The following ZMIZ2 variants were observed in gnomAD, a reference collection of about 807,000 sequenced individuals.
ZMIZ2 encodes the protein zinc finger MIZ-type containing 2.
ZMIZ2 carries 26 observed loss-of-function variants against 93.9 expected under a neutral mutation model. That is an observed-to-expected ratio of 0.28 (90% CI 0.20 to 0.38). The LOEUF is 0.38. ZMIZ2 is among the 10% of genes least tolerant of loss of function. The pLI is 1.00. For missense variants in ZMIZ2, 1,023 were observed against 1,235.0 expected (o/e 0.83, Z 2.57); for synonymous variants, 485 against 516.4 (o/e 0.94, Z 0.82).
rs1413072995 is a variant in ZMIZ2 at position 44,769,291 on chromosome 7, C to G, written c.*1668C>G. On this transcript the variant is annotated 3_prime_UTR_variant, in exon 19 of 19. Transcript: ENST00000309315. ...GCGCTGGGCATCCTCAGGCTGGCGG[C>G]CAAGGCCTGCCCCTGGAGGCACTAG... 1 of 152,658 alleles carries G rather than the reference C, an allele frequency of 6.6e-6. No homozygotes were observed. The highest frequency in any genetic ancestry group is 1.5e-5 in the Non-Finnish European group (1 of 68,242). 9.5% of individuals were successfully genotyped at this position (152,658 alleles called of 1,614,324 possible). A position where few individuals can be genotyped will look rare whatever the true frequency, so the allele number is the denominator to read the frequency against.
At position 44,763,158 on chromosome 7, in the gene ZMIZ2, G is replaced by A. The variant is rs1424424553; in HGVS notation, c.1703-98G>A. On this transcript the variant is annotated intron_variant, in intron 12 of 18. Transcript: ENST00000309315. This position sits in a 1 kb window ranked among gnomAD's most constrained non-coding sequence, Gnocchi z 5.6. ...TCCAGGTGGCCCCTCAGAGCTGTCA[G>A]TGGGTCAGTGACTGGGTCCCTGCCT... 4 of 1,544,162 alleles carry A rather than the reference G, an allele frequency of 2.6e-6. No individual in the cohort carries two copies. Among genetic ancestry groups the A allele is most frequent in the East Asian group, 2.3e-5 (1 of 44,240 alleles).
chr7:44,756,269 T>G lies in ZMIZ2; in HGVS notation c.20T>G (p.Met7Arg), dbSNP rs200135812. ...TTGCCAATGAACTCCATGAACCCCA[T>G]GAAACCTGCCCTGCCCCCTGCGCCA... MNSMNP[M>R]KPALPPAPHG... Residue 7 changes from methionine (M) to arginine (R), a missense_variant, in exon 2 of 19, where the codon ATG becomes AGG. Coordinates refer to ENST00000309315, the MANE Select transcript of ZMIZ2 (RefSeq NM_031449.4). 9.8e-5 allele frequency: 158 copies of G among 1,613,894 alleles called. No homozygotes were observed. The highest frequency in any genetic ancestry group is 2.8e-4 in the Admixed American group (17 of 60,006).
chr7:44,755,222 A>G (rs1342093922), intron 1 of ZMIZ2, among the ~76,000 whole-genome samples: 1 of 152,044 alleles, frequency 6.6e-6, no homozygotes, highest in Non-Finnish European at 1.5e-5. Context: ...ACTGGTATCC[A>G]CTCAGCCCCA....
At position 44,763,679 on chromosome 7, in the gene ZMIZ2, C is replaced by T. The variant is rs917538533; in HGVS notation, c.1860+266C>T. The T allele has an allele frequency of 3.8e-5, 19 of 505,140 alleles. No individual in the cohort carries two copies. The highest frequency in any genetic ancestry group is 3.3e-4 in the African/African-American group (17 of 51,844). The allele number at this position is 505,140 out of a possible 1,614,324, so 31.3% of individuals were successfully genotyped here. A position where few individuals can be genotyped will look rare whatever the true frequency, so the allele number is the denominator to read the frequency against. On this transcript the variant is annotated intron_variant, in intron 13 of 18. Transcript: ENST00000309315. The surrounding 1 kb of genome is among the most constrained non-coding windows in gnomAD (Gnocchi z 5.6). The stretch of plus-strand genomic sequence containing the variant: ...TCAAGTTTTGAAAGGCATAAGATTG[C>T]AGGGTCCAGTCTTCCTGCCCTACCC...
intron 1 of ZMIZ2, among the ~76,000 whole-genome samples, chr7:44,754,067 T>G (rs998390219): frequency 2.6e-4 from 39 of 152,214 alleles, no homozygotes; most frequent in African/African-American, 9.4e-4. Flanking sequence ...CAGTTTTGAT[T>G]ACCATATCTA....
At chr7:44,753,063 T>C (rs1790294490) in intron 1 of ZMIZ2, among the ~76,000 whole-genome samples, 1 of 152,252 alleles carries the variant, frequency 6.6e-6, no homozygotes, top group South Asian at 2.1e-4. Flanking sequence ...TGTATAGTGA[T>C]ATCTCACTGT....
At position 44,767,889 on chromosome 7, in the gene ZMIZ2, G is replaced by A. The variant is rs1023089467; in HGVS notation, c.*266G>A. The A allele has an allele frequency of 1.1e-5, 6 of 536,454 alleles. No individual in the cohort carries two copies. The highest frequency in any genetic ancestry group is 2.0e-5 in the Non-Finnish European group (6 of 295,568). 33.2% of individuals were successfully genotyped at this position (536,454 alleles called of 1,614,324 possible). On this transcript the variant is annotated 3_prime_UTR_variant, in exon 19 of 19. Coordinates refer to ENST00000309315, the MANE Select transcript of ZMIZ2 (RefSeq NM_031449.4). The stretch of plus-strand genomic sequence containing the variant: ...GAACGGTTTTTGCTGAGGTGCCCCT[G>A]CCCAGCCCTGTCCAGCCTTGTCCAC...
At position 44,758,128 on chromosome 7, in the gene ZMIZ2, A is replaced by G. The variant is rs772064793; in HGVS notation, c.813+20A>G. On this transcript the variant is annotated intron_variant, in intron 6 of 18. Transcript: ENST00000309315. ...TCTGAGGTGAGTGTCCAGGTCACCT[A>G]GTTTGGGGCCTTGGGTACCAACTCC... The G allele has an allele frequency of 2.0e-6, 3 of 1,514,022 alleles. No homozygotes were observed. In the Admixed American group the frequency reaches 6.6e-5, roughly 33 times the overall value. 93.8% of individuals were successfully genotyped at this position (1,514,022 alleles called of 1,614,324 possible).
chr7:44,767,133 C>T (rs527926042), intron 18 of ZMIZ2, among the ~76,000 whole-genome samples: 127 of 152,200 alleles, frequency 8.3e-4, no homozygotes, highest in Admixed American at 2.9e-3. Context: ...CAGCTCCAAG[C>T]AGAAAATCCT....
intron 6 of ZMIZ2, 59 bp from the exon 7 acceptor site, chr7:44,759,222 C>G: frequency 7.0e-7 from 1 of 1,419,732 alleles, no homozygotes; most frequent in Non-Finnish European, 9.3e-7. Flanking sequence ...CTACTTCCTT[C>G]TGGAACCAGC....
chr7:44,759,596 T>A, intron 7 of ZMIZ2, 136 bp downstream of exon 7: 41 of 244,970 alleles, frequency 1.7e-4, no homozygotes, highest in Non-Finnish European at 2.2e-4. Context: ...CCATGTGTGC[T>A]CATGGACCAC....
In ZMIZ2 at chr7:44,767,719, T is replaced by C. The variant is rs1791861902; in HGVS notation, c.*96T>C. The C allele has an allele frequency of 1.8e-6, 2 of 1,094,740 alleles. No homozygotes were observed. Among genetic ancestry groups the C allele is most frequent in the Admixed American group, 3.9e-5 (2 of 51,198 alleles). The allele number at this position is 1,094,740 out of a possible 1,614,324, so 67.8% of individuals were successfully genotyped here. On this transcript the variant is annotated 3_prime_UTR_variant, in exon 19 of 19. Coordinates refer to ENST00000309315, the MANE Select transcript of ZMIZ2 (RefSeq NM_031449.4). ...GCCCCATGGGACACCCGGTGGTCTT[T>C]CCCAAACCTCCCCCAAAACACACCT...
chr7:44,754,753 T>G (rs1435498698), intron 1 of ZMIZ2, among the ~76,000 whole-genome samples: 1 of 152,096 alleles, frequency 6.6e-6, no homozygotes, highest in African/African-American at 2.4e-5. Flanking sequence ...ACGCCTCAGG[T>G]GGCATGTCTG....
Position 44,761,596 on chromosome 7 carries a change from G to A in ZMIZ2, c.1385+3G>A, listed in dbSNP as rs1202926646. Reference sequence around the variant, plus strand: ...GTCTACAAGACCCTGATAATGAGGTGAGCTCCGCCTGGCCCCCACCTGACC... The same window carrying A: ...GTCTACAAGACCCTGATAATGAGGTAAGCTCCGCCTGGCCCCCACCTGACC... On this transcript the variant is annotated splice_donor_region_variant and intron_variant, in intron 10 of 18. Transcript: ENST00000309315. The surrounding 1 kb of genome is among the most constrained non-coding windows in gnomAD (Gnocchi z 5.8). 2 of 1,614,002 alleles carry A rather than the reference G, an allele frequency of 1.2e-6. No individual in the cohort carries two copies. The highest frequency in any genetic ancestry group is 1.7e-5 in the Admixed American group (1 of 60,016).
chr7:44,765,479 C>T lies in ZMIZ2; in HGVS notation c.2142C>T (p.Pro714=), dbSNP rs1216990473. ...TGAGCCCCGCCCACGTGCTCATGCC[C>T]AGCGTGATGGAGATGATCGCCGCCC... ...RTVSPAHVLM[P]SVMEMIAALG... Residue 714 remains proline (P), a synonymous_variant, in exon 16 of 19, where the codon CCC becomes CCT. Transcript: ENST00000309315. This position sits in a 1 kb window ranked among gnomAD's most constrained non-coding sequence, Gnocchi z 4.1. 6.2e-7 allele frequency: 1 copy of T among 1,602,890 alleles called. No individual in the cohort carries two copies. Among genetic ancestry groups the T allele is most frequent in the South Asian group, 1.1e-5 (1 of 91,072 alleles).
intron 1 of ZMIZ2, among the ~76,000 whole-genome samples, 162 bp downstream of exon 1, chr7:44,749,153 AG>A (rs1457210653): frequency 1.3e-5 from 2 of 151,778 alleles, no homozygotes; most frequent in Admixed American, 1.3e-4. Flanking sequence ...GCGCCACGGT[AG>A]GGTTCACAGC....
chr7:44,760,182 G>A lies in ZMIZ2; in HGVS notation c.1025G>A (p.Ser342Asn), dbSNP rs777822165. 3.7e-6 allele frequency: 6 copies of A among 1,613,804 alleles called. No individual in the cohort carries two copies. The East Asian group carries it at 1.1e-4, about 30-fold the overall frequency. ...PTEQFNGQGASFNGGSVSYSQ... is the reference protein window; with the variant it reads ...PTEQFNGQGANFNGGSVSYSQ... ...GAGCAGTTCAACGGGCAGGGCGCCA[G>A]CTTCAACGGGGGCAGCGTCAGCTAC... Residue 342 changes from serine to asparagine, a missense_variant, in exon 8 of 19, where the codon AGC (serine) becomes AAC (asparagine). Coordinates refer to ENST00000309315, the MANE Select transcript of ZMIZ2 (RefSeq NM_031449.4).
chr7:44,759,137 C>T, intron 6 of ZMIZ2, 144 bp from the exon 7 acceptor site: 1 of 590,414 alleles, frequency 1.7e-6, no homozygotes, highest in Non-Finnish European at 2.7e-6. Context: ...ACTGCCTGTG[C>T]CTGACAGTGT....
intron 1 of ZMIZ2, among the ~76,000 whole-genome samples, chr7:44,753,746 G>A (rs1024678229): frequency 3.9e-5 from 6 of 151,990 alleles, no homozygotes; most frequent in African/African-American, 1.5e-4. Context: ...GAGCTCTTTG[G>A]CCTAGATCAC....
Sources: allele counts gnomAD v4.1 joint callset (sites outside exome capture counted in the v4.1 genomes callset), GRCh38; gene constraint gnomAD v4.1.1; non-coding constraint Gnocchi (gnomAD v3.1); transcripts MANE v1.5; gene names NCBI Gene and HGNC (gene_info 2026-07-23, HGNC 2026-07-21).